FAM228B: variants seen among roughly 807,000 people sequenced by gnomAD.
FAM228B encodes protein FAM228B.
A neutral mutation model predicts 42.6 loss-of-function variants in FAM228B; 38 were observed. The ratio of observed to expected loss-of-function variants is 0.89; its 90% confidence interval spans 0.69 to 1.17. The LOEUF (loss-of-function observed/expected upper bound fraction) is 1.17. FAM228B is among the 50% of genes most tolerant of loss of function. FAM228B has a pLI of 0.00. For synonymous variants in FAM228B, 109 were observed against 122.3 expected (o/e 0.89, Z 0.72); for missense variants, 344 against 367.3 (o/e 0.94, Z 0.52).
At chr2:24,083,914 G>A (rs1665130395) in intron 2 of FAM228B, among the ~76,000 whole-genome samples, 1 of 152,194 alleles carries the variant, frequency 6.6e-6, no homozygotes, top group Non-Finnish European at 1.5e-5. Context: ...TGGGGAGTAA[G>A]TGTGCCCACA....
intron 2 of FAM228B, among the ~76,000 whole-genome samples, chr2:24,126,995 CA>C (rs1666327970): frequency 6.6e-6 from 1 of 151,926 alleles, no homozygotes; most frequent in Admixed American, 6.6e-5. Context: ...TTTTTATTTT[CA>C]GTGTTTTTTA....
chr2:24,125,196 T>C (rs758565329), intron 2 of FAM228B, among the ~76,000 whole-genome samples: 37 of 152,008 alleles, frequency 2.4e-4, no homozygotes, highest in Non-Finnish European at 4.0e-4. Flanking sequence ...GGCAGAGCAA[T>C]ATACTGAGAC....
intron 2 of FAM228B, among the ~76,000 whole-genome samples, chr2:24,087,727 C>T (rs1665293619): frequency 6.6e-6 from 1 of 151,932 alleles, no homozygotes; most frequent in Non-Finnish European, 1.5e-5. Flanking sequence ...TCTCCTGCCT[C>T]AGCCTCCCGA....
chr2:24,115,507 C>A, intron 3 of FAM228B: 1 of 1,347,294 alleles, frequency 7.4e-7, no homozygotes, highest in Non-Finnish European at 1.0e-6. Flanking sequence ...TTTTTTCAAC[C>A]ATAAAATATT....
intron 3 of FAM228B, among the ~76,000 whole-genome samples, chr2:24,101,992 A>G (rs1160487417): frequency 6.6e-6 from 1 of 151,962 alleles, no homozygotes; most frequent in Non-Finnish European, 1.5e-5. Flanking sequence ...CCTATTTTTT[A>G]TTTTTATAGA....
At chr2:24,111,737 G>A (rs985593413) in intron 3 of FAM228B, among the ~76,000 whole-genome samples, 5 of 152,092 alleles carry the variant, frequency 3.3e-5, no homozygotes, top group Non-Finnish European at 5.9e-5. Context: ...GACTCAGCTA[G>A]TTCAAATGTC....
intron 8 of FAM228B, among the ~76,000 whole-genome samples, chr2:24,162,989 G>A (rs910995824): frequency 3.9e-5 from 6 of 152,114 alleles, no homozygotes; most frequent in African/African-American, 9.7e-5. Flanking sequence ...TAAGATTGTC[G>A]TGGTGGTTGC....
chr2:24,138,200 C>T lies in FAM228B; in HGVS notation c.360+100C>T, dbSNP rs185702062. The T allele has an allele frequency of 4.7e-5, 40 of 848,820 alleles. 1 individual carries two copies. In the African/African-American group the frequency reaches 5.9e-4, roughly 12 times the overall value. The allele number at this position is 848,820 out of a possible 1,614,324, so 52.6% of individuals were successfully genotyped here. ...AGTCAGTCTGTCCCTGTCCCCTCTA[C>T]ATATGTATCATCTATACCCTGTTAC... On this transcript the variant is annotated intron_variant, in intron 4 of 10. Coordinates refer to ENST00000615575, the MANE Select transcript of FAM228B (RefSeq NM_001145710.2).
intron 2 of FAM228B, among the ~76,000 whole-genome samples, chr2:24,134,617 T>C (rs2151017586): frequency 6.6e-6 from 1 of 152,368 alleles, no homozygotes; most frequent in Middle Eastern, 3.4e-3. Context: ...AGTTATATTT[T>C]GGTGTAGCCA....
chr2:24,143,944 C>T (rs962089575), intron 5 of FAM228B, among the ~76,000 whole-genome samples: 16 of 146,014 alleles, frequency 1.1e-4, no homozygotes, highest in Non-Finnish European at 1.3e-4. Context: ...ACCCAGGAGG[C>T]GGAGGTTGCA....
chr2:24,127,963 T>C (rs1319498672), intron 2 of FAM228B, among the ~76,000 whole-genome samples: 1 of 151,864 alleles, frequency 6.6e-6, no homozygotes, highest in Non-Finnish European at 1.5e-5. Flanking sequence ...GTGCCTGGCC[T>C]ATTTCTTAAA....
At chr2:24,101,426 T>C (rs531446782) in intron 3 of FAM228B, among the ~76,000 whole-genome samples, 4 of 152,192 alleles carry the variant, frequency 2.6e-5, no homozygotes, top group Non-Finnish European at 5.9e-5. Context: ...TTATTTTCTG[T>C]GACCACAGGG....
chr2:24,130,031 C>A (rs1284909291), intron 2 of FAM228B, among the ~76,000 whole-genome samples: 2 of 152,134 alleles, frequency 1.3e-5, no homozygotes, highest in Non-Finnish European at 2.9e-5. Flanking sequence ...TCTCATTGTT[C>A]AGCTCCCAGT....
intron 3 of FAM228B, among the ~76,000 whole-genome samples, chr2:24,108,265 T>C (rs1277757327): frequency 6.6e-6 from 1 of 152,004 alleles, no homozygotes; most frequent in Admixed American, 6.6e-5. Context: ...AGTTCTGAAA[T>C]TGAATTAGTA....
intron 3 of FAM228B, chr2:24,096,932 T>G (rs1358223728): frequency 6.6e-6 from 1 of 152,166 alleles, no homozygotes; most frequent in African/African-American, 2.4e-5. Flanking sequence ...TAACAGTGGA[T>G]CTCTCTGCAG....
intron 5 of FAM228B, chr2:24,142,672 T>A (rs906004216): frequency 6.6e-6 from 1 of 152,244 alleles, no homozygotes; most frequent in Non-Finnish European, 1.5e-5. Context: ...TGGCGGATAT[T>A]TTCTGGAAAA....
At chr2:24,143,031 T>C (rs563413103) in intron 5 of FAM228B, among the ~76,000 whole-genome samples, 1 of 152,344 alleles carries the variant, frequency 6.6e-6, no homozygotes, top group South Asian at 2.1e-4. Context: ...GAAAAATTCA[T>C]AGATATGGTT....
At position 24,079,560 on chromosome 2, in the gene FAM228B, G is replaced by A. The variant is rs763377588; in HGVS notation, c.-289-1316G>A. On this transcript the variant is annotated intron_variant, in intron 1 of 10. Transcript: ENST00000613899. ...CCCATCAGACCATAGAGAACCCATC[G>A]ACCATCAAGAGCCAGGCAGTTGACG... 3.1e-6 allele frequency: 5 copies of A among 1,613,898 alleles called. No homozygotes were observed. The highest frequency in any genetic ancestry group is 2.2e-5 in the East Asian group (1 of 44,888).
In FAM228B at chr2:24,139,666, T is replaced by C. The variant is rs1427921162; in HGVS notation, c.441+216T>C. 3.3e-5 allele frequency among the ~76,000 whole-genome samples: 5 copies of C among 152,314 alleles called. No individual in the cohort carries two copies. The East Asian group carries it at 9.6e-4, about 29-fold the overall frequency. The stretch of plus-strand genomic sequence containing the variant: ...AAAATACTGGATAATGATTGGGTAA[T>C]AGGTAACGTTTAAAAATTCCATAGA... On this transcript the variant is annotated intron_variant, in intron 5 of 10. Coordinates refer to ENST00000615575, the MANE Select transcript of FAM228B (RefSeq NM_001145710.2).
Sources: gnomAD v4.1 joint callset for allele counts (sites outside exome capture counted in the v4.1 genomes callset) on GRCh38, gnomAD v4.1.1 for gene constraint, MANE v1.5 for transcripts, NCBI Gene and HGNC (gene_info 2026-07-23, HGNC 2026-07-21) for gene names.